The following HUNK variants were observed in gnomAD, a reference collection of about 807,000 sequenced individuals.
HUNK encodes the protein hormonally up-regulated Neu-associated kinase.
HUNK carries 21 observed loss-of-function variants against 61.0 expected under a neutral mutation model. The observed-to-expected ratio is 0.34, with a 90% CI of 0.24 to 0.50. HUNK has a LOEUF of 0.50. Among genes scored for constraint, HUNK ranks in the 20% least tolerant of loss-of-function variants. The pLI, the probability that HUNK is intolerant of heterozygous loss-of-function variation, is 0.98. For synonymous variants in HUNK, 371 were observed against 386.1 expected, an observed-to-expected ratio of 0.96 and a Z score of 0.46; for missense variants, 772 against 945.7, an observed-to-expected ratio of 0.82 and a Z score of 2.41.
intron 1 of HUNK, among the ~76,000 whole-genome samples, chr21:31,894,397 T>A (rs1214231425): frequency 6.6e-6 from 1 of 152,174 alleles, no homozygotes; most frequent in Admixed American, 6.5e-5. Context: ...ATTTGCCAGG[T>A]GTACTGTGAT....
chr21:31,948,347 G>T (rs890964876), intron 4 of HUNK, among the ~76,000 whole-genome samples: 1 of 152,180 alleles, frequency 6.6e-6, no homozygotes, highest in Non-Finnish European at 1.5e-5. Flanking sequence ...AGTTCCTTCG[G>T]CCTGGAACCC....
At chr21:31,892,158 A>G (rs918247215) in intron 1 of HUNK, among the ~76,000 whole-genome samples, 2 of 112,050 alleles carry the variant, frequency 1.8e-5, no homozygotes, top group African/African-American at 3.4e-5. Flanking sequence ...TAAAAAAAAA[A>G]AAAAATATAT....
At chr21:31,988,699 T>G (rs2053151088) in intron 8 of HUNK, among the ~76,000 whole-genome samples, 1 of 151,810 alleles carries the variant, frequency 6.6e-6, no homozygotes, top group South Asian at 2.1e-4. Flanking sequence ...TCTTTTTGCT[T>G]TATTCTTTTC....
rs1451099185 is a variant in HUNK at position 31,889,171 on chromosome 21, CAA to C, written c.261+15239_261+15240del. Among the ~76,000 whole-genome samples the C allele has an allele frequency of 3.3e-5, 5 of 152,264 alleles. No homozygotes were observed. In the South Asian group the frequency reaches 6.2e-4, roughly 19 times the overall value. ...ATGAACACAGATTACTTATTAAAAA[CAA>C]AACAAAATACCCAGTGCTTTTGCCT... On this transcript the variant is annotated intron_variant, in intron 1 of 10. Coordinates refer to ENST00000270112, the MANE Select transcript of HUNK (RefSeq NM_014586.2).
At chr21:31,966,007 C>T (rs540945386) in intron 5 of HUNK, among the ~76,000 whole-genome samples, 23 of 152,284 alleles carry the variant, frequency 1.5e-4, no homozygotes, top group African/African-American at 5.3e-4. Flanking sequence ...GTGCATCCAT[C>T]GCCTGAGCAG....
intron 8 of HUNK, among the ~76,000 whole-genome samples, chr21:31,988,171 A>G (rs1241601536): frequency 1.3e-5 from 2 of 152,008 alleles, no homozygotes; most frequent in Admixed American, 6.5e-5. Context: ...AGTGGGGTGC[A>G]TTTCTCATCT....
chr21:31,957,415 C>T (rs988601447), intron 4 of HUNK, among the ~76,000 whole-genome samples: 6 of 152,144 alleles, frequency 3.9e-5, no homozygotes, highest in Admixed American at 1.3e-4. Context: ...CTGAAATTTG[C>T]GAATGATTTC....
chr21:31,936,184 T>G (rs2052732539), intron 2 of HUNK, among the ~76,000 whole-genome samples: 2 of 152,234 alleles, frequency 1.3e-5, no homozygotes, highest in African/African-American at 4.8e-5. Context: ...TCTTGGGTGC[T>G]TCCAGTTTGG....
rs113942985 is a variant in HUNK at position 31,969,066 on chromosome 21, C to T, written c.1010+681C>T. Among the ~76,000 whole-genome samples the T allele has an allele frequency of 8.8e-3, 1,334 of 151,926 alleles. 25 individuals are homozygous for T. The highest frequency in any genetic ancestry group is 0.031 in the African/African-American group (1,285 of 41,436). ...GCTAATTTTGTATTTTTAGTAGAGA[C>T]GGGGTTTCACCTCTTGCCCAGGCTG... On this transcript the variant is annotated intron_variant, in intron 6 of 10. Coordinates refer to ENST00000270112, the MANE Select transcript of HUNK (RefSeq NM_014586.2).
chr21:31,932,677 T>C (rs1296110421), intron 2 of HUNK, among the ~76,000 whole-genome samples: 1 of 152,146 alleles, frequency 6.6e-6, no homozygotes, highest in African/African-American at 2.4e-5. Flanking sequence ...GGGTCCCCTT[T>C]GAGCATTTCT....
intron 1 of HUNK, among the ~76,000 whole-genome samples, chr21:31,921,203 G>A (rs1015488658): frequency 3.4e-5 from 5 of 145,364 alleles, no homozygotes; most frequent in Non-Finnish European, 7.5e-5. Flanking sequence ...CTGCTCTATA[G>A]AGGAGATAAT....
At chr21:31,890,268 G>T (rs2052377103) in intron 1 of HUNK, among the ~76,000 whole-genome samples, 1 of 148,640 alleles carries the variant, frequency 6.7e-6, no homozygotes, top group African/African-American at 2.5e-5. Flanking sequence ...TCGCTCTGTT[G>T]CTCAGGCTGG....
Position 32,000,955 on chromosome 21 carries a change from G to A in HUNK, c.*1771G>A. ...TTATTTTTTGTATAGCTTCAGACTG[G>A]GTTCCAGAACTTACCATTGAAAACA... is the stretch of plus-strand genomic sequence containing the variant. On this transcript the variant is annotated 3_prime_UTR_variant, in exon 11 of 11. Coordinates refer to ENST00000270112, the MANE Select transcript of HUNK (RefSeq NM_014586.2). 1 of 386,156 alleles carries A rather than the reference G, an allele frequency of 2.6e-6. No individual in the cohort carries two copies. The highest frequency in any genetic ancestry group is 4.6e-6 in the Non-Finnish European group (1 of 218,952). 23.9% of individuals were successfully genotyped at this position (386,156 alleles called of 1,614,324 possible).
At chr21:31,914,110 G>A (rs74372666) in intron 1 of HUNK, among the ~76,000 whole-genome samples, 6,132 of 152,188 alleles carry the variant, frequency 0.04, 150 homozygotes, top group Middle Eastern at 0.12. Context: ...AAGAGGAACT[G>A]TAAGACCTGG....
chr21:31,906,041 C>T (rs1334077624), intron 1 of HUNK, among the ~76,000 whole-genome samples: 1 of 152,008 alleles, frequency 6.6e-6, no homozygotes, highest in Admixed American at 6.6e-5. Context: ...TTTTGCACTG[C>T]TGCCCCTGCC....
intron 1 of HUNK, among the ~76,000 whole-genome samples, chr21:31,914,960 T>A (rs1568924074): frequency 6.6e-6 from 1 of 152,056 alleles, no homozygotes; most frequent in Non-Finnish European, 1.5e-5. Flanking sequence ...TATCCTCCCC[T>A]CCCCGACAAA....
At chr21:31,910,637 C>T (rs7275414) in intron 1 of HUNK, among the ~76,000 whole-genome samples, 1,863 of 152,032 alleles carry the variant, frequency 0.012, 38 homozygotes, top group African/African-American at 0.042. Context: ...TACAGGCATG[C>T]GCCACCACGC....
chr21:31,960,653 T>C (rs1259887196), intron 5 of HUNK, among the ~76,000 whole-genome samples: 1 of 152,176 alleles, frequency 6.6e-6, no homozygotes, highest in Non-Finnish European at 1.5e-5. Context: ...TCTTAGATGG[T>C]GGCAGGGAAG....
chr21:31,947,705 C>A (rs908651494), intron 4 of HUNK, among the ~76,000 whole-genome samples: 2 of 152,130 alleles, frequency 1.3e-5, no homozygotes, highest in Admixed American at 6.5e-5. Flanking sequence ...CCTGGGTCCC[C>A]CATGGTCACA....
Sources: gnomAD v4.1 joint callset for allele counts (sites outside exome capture counted in the v4.1 genomes callset) on GRCh38, gnomAD v4.1.1 for gene constraint, MANE v1.5 for transcripts, NCBI Gene and HGNC (gene_info 2026-07-23, HGNC 2026-07-21) for gene names.